The following WWOX variants were observed in gnomAD, a reference collection of about 807,000 sequenced individuals.
WWOX encodes the protein WW domain-containing oxidoreductase.
WWOX carries 69 observed loss-of-function variants against 46.2 expected under a neutral mutation model. That is an observed-to-expected ratio of 1.49 (90% CI 1.23 to 1.82). The LOEUF (loss-of-function observed/expected upper bound fraction) is 1.82. Ranked by LOEUF, WWOX falls within the 40% of genes most tolerant of loss-of-function variation. The probability of loss-of-function intolerance (pLI) is 0.00; values close to 1 mark genes in which losing one functional copy is unlikely to be tolerated. For missense variants in WWOX, 919 were observed against 542.6 expected (o/e 1.69, Z -6.89); for synonymous variants, 359 against 202.6 (o/e 1.77, Z -6.56).
chr16:78,345,674 G>C (rs1597070899), intron 5 of WWOX, among the ~76,000 whole-genome samples: 1 of 96,524 alleles, frequency 1.0e-5, no homozygotes, highest in Non-Finnish European at 2.4e-5. Context: ...GTAAAATAAA[G>C]CATGGGAAGT....
At chr16:78,816,100 A>G (rs1177403853) in intron 8 of WWOX, among the ~76,000 whole-genome samples, 1 of 152,158 alleles carries the variant, frequency 6.6e-6, no homozygotes, top group Non-Finnish European at 1.5e-5. Flanking sequence ...CTCTGCCTTA[A>G]TGTGAATAAA....
intron 6 of WWOX, among the ~76,000 whole-genome samples, chr16:78,413,019 G>A (rs745896043): frequency 3.9e-5 from 6 of 152,196 alleles, no homozygotes; most frequent in East Asian, 3.9e-4. Context: ...GAGCTGACGC[G>A]TAGCAAGAAT....
chr16:78,888,628 C>G (rs570906313), intron 8 of WWOX, among the ~76,000 whole-genome samples: 1 of 152,026 alleles, frequency 6.6e-6, no homozygotes, highest in African/African-American at 2.4e-5. Context: ...CCCTGCTGAC[C>G]GAGCCAGAAC....
chr16:78,798,444 A>G (rs1255833190), intron 8 of WWOX, among the ~76,000 whole-genome samples: 1 of 152,208 alleles, frequency 6.6e-6, no homozygotes, highest in Non-Finnish European at 1.5e-5. Context: ...CTATTTTATC[A>G]TTAATATGCC....
At chr16:79,125,313 CA>C (rs1457124264) in intron 8 of WWOX, among the ~76,000 whole-genome samples, 2 of 152,150 alleles carry the variant, frequency 1.3e-5, no homozygotes, top group African/African-American at 2.4e-5. Flanking sequence ...TTGTTGATTT[CA>C]AACACCCTGA....
chr16:78,713,238 C>CACTT (rs1253680749), intron 8 of WWOX, among the ~76,000 whole-genome samples: 7 of 126,764 alleles, frequency 5.5e-5, no homozygotes, highest in Non-Finnish European at 9.3e-5. Context: ...TGTGCCACTG[C>CACTT]ACTTTAGCCT....
intron 8 of WWOX, among the ~76,000 whole-genome samples, chr16:78,489,463 C>T (rs1177954104): frequency 6.6e-6 from 1 of 152,008 alleles, no homozygotes; most frequent in Non-Finnish European, 1.5e-5. Flanking sequence ...ACAGCAGGGA[C>T]ATTCGTGAGC....
chr16:78,179,985 G>A (rs1055120441), intron 5 of WWOX, among the ~76,000 whole-genome samples: 1 of 152,184 alleles, frequency 6.6e-6, no homozygotes, highest in African/African-American at 2.4e-5. Context: ...AGATCGGCTG[G>A]TTAGTTTTTG....
At chr16:78,787,277 A>G (rs2050480958) in intron 8 of WWOX, among the ~76,000 whole-genome samples, 1 of 152,234 alleles carries the variant, frequency 6.6e-6, no homozygotes, top group Non-Finnish European at 1.5e-5. Context: ...GAACATTTTT[A>G]CCATCCCCCG....
intron 8 of WWOX, among the ~76,000 whole-genome samples, chr16:78,762,362 T>C (rs2049815424): frequency 1.3e-5 from 2 of 152,182 alleles, no homozygotes; most frequent in South Asian, 4.1e-4. Flanking sequence ...CCAGGCCTGC[T>C]GAGTCTGAAT....
At chr16:78,194,831 A>G (rs535377605) in intron 5 of WWOX, among the ~76,000 whole-genome samples, 1 of 152,070 alleles carries the variant, frequency 6.6e-6, no homozygotes, top group South Asian at 2.1e-4. Context: ...TACTCTTTTT[A>G]TTCTTAGCAC....
chr16:78,628,900 C>A (rs2046368447), intron 8 of WWOX, among the ~76,000 whole-genome samples: 1 of 152,120 alleles, frequency 6.6e-6, no homozygotes, highest in South Asian at 2.1e-4. Flanking sequence ...CAGGCCCCCT[C>A]CTCATTGTGC....
At chr16:78,691,180 G>A (rs906975104) in intron 8 of WWOX, 17 of 698,252 alleles carry the variant, frequency 2.4e-5, no homozygotes, top group South Asian at 1.5e-4. Flanking sequence ...TGTGCGATAA[G>A]AGAATAGATG....
intron 8 of WWOX, among the ~76,000 whole-genome samples, chr16:78,516,317 T>G (rs1223900331): frequency 6.6e-6 from 1 of 152,178 alleles, no homozygotes; most frequent in Non-Finnish European, 1.5e-5. Context: ...GCTCTTTGCT[T>G]GGTTTTCCCT....
intron 6 of WWOX, among the ~76,000 whole-genome samples, chr16:78,399,049 G>T (rs967786566): frequency 6.8e-6 from 1 of 147,380 alleles, no homozygotes; most frequent in South Asian, 2.1e-4. Context: ...GAACAGGTAA[G>T]TATAAGGAAG....
At chr16:78,675,091 G>T (rs976082800) in intron 8 of WWOX, among the ~76,000 whole-genome samples, 1 of 152,170 alleles carries the variant, frequency 6.6e-6, no homozygotes, top group Non-Finnish European at 1.5e-5. Context: ...TAGGCAAGGC[G>T]CTGTGCTGAA....
intron 8 of WWOX, among the ~76,000 whole-genome samples, chr16:78,739,146 T>C (rs943602601): frequency 6.6e-6 from 1 of 152,126 alleles, no homozygotes; most frequent in Non-Finnish European, 1.5e-5. Context: ...TCTGAGTGAC[T>C]TCTGAGTTCC....
intron 8 of WWOX, among the ~76,000 whole-genome samples, chr16:78,649,335 G>C (rs114700205): frequency 9.9e-4 from 151 of 152,094 alleles, no homozygotes; most frequent in African/African-American, 3.6e-3. Flanking sequence ...CCAGATTGGA[G>C]TGCAGTGGTG....
chr16:79,161,187 A>G (rs549617803), intron 8 of WWOX, among the ~76,000 whole-genome samples: 1 of 152,340 alleles, frequency 6.6e-6, no homozygotes, highest in African/African-American at 2.4e-5. Context: ...AAGTACCAAT[A>G]TATTTGGTAA....
Sources: gnomAD v4.1 joint callset for allele counts (sites outside exome capture counted in the v4.1 genomes callset) on GRCh38, gnomAD v4.1.1 for gene constraint, MANE v1.5 for transcripts, NCBI Gene and HGNC (gene_info 2026-07-23, HGNC 2026-07-21) for gene names.